Variants in WWOX observed in about 807,000 individuals in gnomAD.
WWOX encodes WW domain-containing oxidoreductase.
WWOX carries 69 observed loss-of-function variants against 46.2 expected under a neutral mutation model. That is an observed-to-expected ratio of 1.49 (90% CI 1.23 to 1.82). The LOEUF is 1.82. Among genes scored for constraint, WWOX ranks in the 40% most tolerant of loss-of-function variants. The pLI is 0.00. For synonymous variants in WWOX, 359 were observed against 202.6 expected, an observed-to-expected ratio of 1.77 and a Z score of -6.56; for missense variants, 919 against 542.6, an observed-to-expected ratio of 1.69 and a Z score of -6.89.
chr16:79,180,645 TTTTCTCTTCTTCTTTCTC>T (rs1307900119), intron 8 of WWOX, among the ~76,000 whole-genome samples: 2 of 150,258 alleles, frequency 1.3e-5, no homozygotes, highest in East Asian at 3.9e-4. Flanking sequence ...GCTTCTTTCT[TTTTCTCTTCTTCTTTCTC>T]TCTCTTCTCT....
chr16:78,315,359 T>C (rs892784649), intron 5 of WWOX, among the ~76,000 whole-genome samples: 6 of 152,120 alleles, frequency 3.9e-5, no homozygotes, highest in African/African-American at 7.2e-5. Flanking sequence ...AAAATAATTA[T>C]ATGATTATGC....
intron 8 of WWOX, among the ~76,000 whole-genome samples, chr16:78,724,285 T>C (rs2048771564): frequency 6.6e-6 from 1 of 152,196 alleles, no homozygotes; most frequent in Non-Finnish European, 1.5e-5. Context: ...TTTGGTAAAA[T>C]ACAGTAGTTG....
intron 8 of WWOX, among the ~76,000 whole-genome samples, chr16:79,186,877 A>G (rs1009398911): frequency 1.3e-5 from 2 of 152,162 alleles, no homozygotes; most frequent in Admixed American, 6.5e-5. Flanking sequence ...GTTTTTCAAC[A>G]TATTGGTTTT....
intron 5 of WWOX, among the ~76,000 whole-genome samples, chr16:78,229,751 A>G (rs1567442880): frequency 6.6e-6 from 1 of 152,250 alleles, no homozygotes. Flanking sequence ...CCATTAGTCA[A>G]ACCTTAGCAG....
Position 78,273,951 on chromosome 16 carries a change from A to T in WWOX, c.516+109662A>T, listed in dbSNP as rs1453051284. On this transcript the variant is annotated intron_variant, in intron 5 of 8. Coordinates refer to ENST00000566780, the MANE Select transcript of WWOX (RefSeq NM_016373.4). ...CTGGCACTCAGGAGGGATGGACAGG[A>T]TAGACATTGACCAGACACAATTATA... Among the ~76,000 whole-genome samples, 7 of 152,214 alleles carry T rather than the reference A, an allele frequency of 4.6e-5. No homozygotes were observed. In the East Asian group the frequency reaches 1.2e-3, roughly 25 times the overall value.
intron 8 of WWOX, among the ~76,000 whole-genome samples, chr16:78,435,574 C>A (rs529860091): frequency 6.6e-6 from 1 of 152,150 alleles, no homozygotes. Context: ...TCGCAAAAAT[C>A]CCAGGTTTTG....
chr16:79,035,268 C>T (rs1467729975), intron 8 of WWOX, among the ~76,000 whole-genome samples: 1 of 152,206 alleles, frequency 6.6e-6, no homozygotes, highest in Non-Finnish European at 1.5e-5. Context: ...GGCCCTGGCT[C>T]TACTCCTGGA....
At chr16:78,587,385 G>C (rs1315738319) in intron 8 of WWOX, among the ~76,000 whole-genome samples, 2 of 151,828 alleles carry the variant, frequency 1.3e-5, no homozygotes, top group Non-Finnish European at 2.9e-5. Flanking sequence ...AGCAACCAAA[G>C]GGAGCATAAC....
intron 8 of WWOX, among the ~76,000 whole-genome samples, chr16:78,523,103 C>T (rs901404271): frequency 3.3e-5 from 5 of 152,014 alleles, no homozygotes; most frequent in African/African-American, 9.7e-5. Flanking sequence ...ATTAAAAAAC[C>T]TAACACTGGT....
At chr16:78,990,000 C>T (rs936248832) in intron 8 of WWOX, among the ~76,000 whole-genome samples, 8 of 151,634 alleles carry the variant, frequency 5.3e-5, no homozygotes, top group Non-Finnish European at 8.8e-5. Flanking sequence ...CTGGGCAACA[C>T]GGCAAAGCCC....
chr16:78,262,108 A>AT (rs2079257790), intron 5 of WWOX, among the ~76,000 whole-genome samples: 1 of 150,230 alleles, frequency 6.7e-6, no homozygotes, highest in African/African-American at 2.4e-5. Flanking sequence ...AAAAAAAAAA[A>AT]AAAAAAAAAA....
intron 8 of WWOX, among the ~76,000 whole-genome samples, chr16:78,476,186 T>C (rs2084344803): frequency 6.6e-6 from 1 of 152,134 alleles, no homozygotes; most frequent in Non-Finnish European, 1.5e-5. Flanking sequence ...TGAGATGGTA[T>C]CTCATTGTGG....
At chr16:79,061,991 C>T (rs2048364972) in intron 8 of WWOX, among the ~76,000 whole-genome samples, 1 of 152,126 alleles carries the variant, frequency 6.6e-6, no homozygotes, top group Admixed American at 6.5e-5. Context: ...TTTTCACAGC[C>T]CCTCCCCACC....
chr16:78,962,577 C>T (rs1006013250), intron 8 of WWOX, among the ~76,000 whole-genome samples: 1 of 151,978 alleles, frequency 6.6e-6, no homozygotes, highest in African/African-American at 2.4e-5. Context: ...CAGAAAGTGC[C>T]CAGAAAGAAT....
chr16:78,914,514 T>C lies in WWOX; in HGVS notation c.1057-297094T>C, dbSNP rs556364127. ...TCTTATGTGATTAACTGAATGGGAA[T>C]TGATGCTTTGTGGAATGAAATGGAT... On this transcript the variant is annotated intron_variant, in intron 8 of 8. Coordinates refer to ENST00000566780, the MANE Select transcript of WWOX (RefSeq NM_016373.4). Among the ~76,000 whole-genome samples the C allele has an allele frequency of 2.6e-5, 4 of 152,094 alleles. No individual in the cohort carries two copies. In the East Asian group the frequency reaches 5.8e-4, roughly 22 times the overall value.
At chr16:78,885,086 C>G (rs17706982) in intron 8 of WWOX, among the ~76,000 whole-genome samples, 35,260 of 152,070 alleles carry the variant, frequency 0.23, 4,754 homozygotes, top group Middle Eastern at 0.4. Context: ...GAGAGTGTCA[C>G]TGGCAACTTC....
At chr16:78,310,696 T>C (rs1023833048) in intron 5 of WWOX, among the ~76,000 whole-genome samples, 4 of 152,252 alleles carry the variant, frequency 2.6e-5, no homozygotes, top group African/African-American at 7.2e-5. Context: ...AACCTTGCTC[T>C]AGAGATTTGG....
At chr16:78,156,930 C>T (rs1032742023) in intron 4 of WWOX, among the ~76,000 whole-genome samples, 2 of 152,132 alleles carry the variant, frequency 1.3e-5, no homozygotes, top group Non-Finnish European at 2.9e-5. Context: ...GACTCTGTCT[C>T]AGTCAGTCAA....
chr16:78,508,200 A>C (rs1172321352), intron 8 of WWOX, among the ~76,000 whole-genome samples: 1 of 151,268 alleles, frequency 6.6e-6, no homozygotes, highest in African/African-American at 2.4e-5. Flanking sequence ...TAGTAGAGAC[A>C]GGGTTTCGCC....
Sources: allele counts gnomAD v4.1 joint callset (sites outside exome capture counted in the v4.1 genomes callset), GRCh38; gene constraint gnomAD v4.1.1; transcripts MANE v1.5; gene names NCBI Gene and HGNC (gene_info 2026-07-23, HGNC 2026-07-21).